The following VRK2 variants were observed in gnomAD, a reference collection of about 807,000 sequenced individuals.
VRK2 encodes VRK serine/threonine kinase 2.
In VRK2, 60 loss-of-function variants were observed where a neutral mutation model predicts 57.6. That is an observed-to-expected ratio of 1.04 (90% CI 0.85 to 1.29). VRK2 has a LOEUF of 1.29. VRK2 is among the 50% of genes most tolerant of loss of function. The pLI is 0.00. For missense variants in VRK2, 705 were observed against 588.1 expected, an observed-to-expected ratio of 1.20 and a Z score of -2.06; for synonymous variants, 231 against 199.2, an observed-to-expected ratio of 1.16 and a Z score of -1.35.
Position 58,136,909 on chromosome 2 carries a change from A to ATAT in VRK2, c.856+1711_856+1713dup, listed in dbSNP as rs1294327045. Among the ~76,000 whole-genome samples the ATAT allele has an allele frequency of 1.7e-3, 209 of 120,370 alleles. 20 individuals are homozygous for ATAT. The highest frequency in any genetic ancestry group is 8.6e-3 in the African/African-American group (190 of 22,014). The allele number at this position is 120,370 out of a possible 152,430, so 79.0% of individuals were successfully genotyped here. A position where few individuals can be genotyped will look rare whatever the true frequency, so the allele number is the denominator to read the frequency against. On this transcript the variant is annotated intron_variant, in intron 10 of 12. Transcript: ENST00000340157. ...ATATATATGTGTATATATATCATAT[A>ATAT]TATATCATATATGTGTATATATCAT...
intron 7 of VRK2, among the ~76,000 whole-genome samples, chr2:58,095,004 G>A (rs1407050373): frequency 6.6e-6 from 1 of 152,112 alleles, no homozygotes; most frequent in Admixed American, 6.5e-5. Context: ...TCATTTAAAA[G>A]GAATACTTGT....
intron 8 of VRK2, 41 bp downstream of exon 8, chr2:58,123,274 A>T: frequency 6.4e-7 from 1 of 1,568,966 alleles, no homozygotes; most frequent in East Asian, 2.3e-5. Flanking sequence ...ATTTCAGAAG[A>T]ATGATTAGAG....
chr2:58,003,549 C>A (rs899952378), intron 1 of VRK2, among the ~76,000 whole-genome samples: 2 of 151,998 alleles, frequency 1.3e-5, no homozygotes, highest in South Asian at 2.1e-4. Flanking sequence ...TTTCAGAAAA[C>A]TGCAAATTAT....
Position 58,071,944 on chromosome 2 carries a change from A to G in VRK2, c.137-12145A>G, listed in dbSNP as rs552189252. Among the ~76,000 whole-genome samples, 10 of 151,736 alleles carry G rather than the reference A, an allele frequency of 6.6e-5. No individual in the cohort carries two copies. The East Asian group carries it at 1.9e-3, about 29-fold the overall frequency. ...TGTATCTCTCCATATCATGATGAAGATTTTCTTTCATCAGATGTTTGTAGT... is the reference window on the plus strand; with the variant it reads ...TGTATCTCTCCATATCATGATGAAGGTTTTCTTTCATCAGATGTTTGTAGT... On this transcript the variant is annotated intron_variant, in intron 2 of 12. Coordinates refer to ENST00000340157, the MANE Select transcript of VRK2 (RefSeq NM_006296.7).
chr2:58,022,507 C>A (rs1673789263), intron 1 of VRK2, among the ~76,000 whole-genome samples: 1 of 152,140 alleles, frequency 6.6e-6, no homozygotes, highest in South Asian at 2.1e-4. Context: ...AGGAAAAGAG[C>A]AAATGTAGGA....
intron 1 of VRK2, among the ~76,000 whole-genome samples, chr2:57,981,067 C>T (rs1672408882): frequency 6.6e-6 from 1 of 152,086 alleles, no homozygotes. Context: ...TTGATCCTGT[C>T]ATTGTGTTCT....
chr2:57,957,557 T>C (rs1198799416), intron 1 of VRK2, among the ~76,000 whole-genome samples: 1 of 148,788 alleles, frequency 6.7e-6, no homozygotes, highest in Non-Finnish European at 1.5e-5. Flanking sequence ...CCAACAAAAG[T>C]ATATGTAGAT....
chr2:58,084,149 C>T lies in VRK2; in HGVS notation c.186+11C>T, dbSNP rs770304280. ...CATGTAGTAAAAGTGGTAAGTGTTG[C>T]TCATAGATTTGTATTTCACATATAT... On this transcript the variant is annotated intron_variant, in intron 3 of 12. Coordinates refer to ENST00000340157, the MANE Select transcript of VRK2 (RefSeq NM_006296.7). 1 of 1,597,842 alleles carries T rather than the reference C, an allele frequency of 6.3e-7. No homozygotes were observed. Among genetic ancestry groups the T allele is most frequent in the Non-Finnish European group, 8.5e-7 (1 of 1,170,346 alleles).
intron 1 of VRK2, among the ~76,000 whole-genome samples, chr2:57,975,389 A>G (rs1672218589): frequency 6.6e-6 from 1 of 152,076 alleles, no homozygotes; most frequent in Non-Finnish European, 1.5e-5. Context: ...TTAGTTTTCT[A>G]TTGCTGCCTT....
At chr2:58,155,687 G>A (rs1267776989) in intron 12 of VRK2, among the ~76,000 whole-genome samples, 1 of 151,830 alleles carries the variant, frequency 6.6e-6, no homozygotes, top group Non-Finnish European at 1.5e-5. Context: ...TTAGTGTAGG[G>A]TGATGATACT....
At chr2:58,129,656 C>G (rs1316759520) in intron 8 of VRK2, among the ~76,000 whole-genome samples, 1 of 152,162 alleles carries the variant, frequency 6.6e-6, no homozygotes, top group Non-Finnish European at 1.5e-5. Flanking sequence ...ATTAAAATTA[C>G]TCCTCTGTGT....
intron 1 of VRK2, among the ~76,000 whole-genome samples, chr2:57,993,698 ACT>A (rs1482645763): frequency 6.6e-6 from 1 of 152,224 alleles, no homozygotes; most frequent in African/African-American, 2.4e-5. Flanking sequence ...TTAAGTTTTA[ACT>A]CTGACATGAA....
upstream of VRK2, among the ~76,000 whole-genome samples, chr2:58,045,134 C>A (rs552368570): frequency 6.6e-6 from 1 of 152,200 alleles, no homozygotes; most frequent in South Asian, 2.1e-4. Flanking sequence ...ATTATTTAAG[C>A]GTTAAGGATC....
At chr2:58,058,348 C>T (rs1572886888) in intron 2 of VRK2, 2 of 470,002 alleles carry the variant, frequency 4.3e-6, no homozygotes, top group South Asian at 3.1e-5. Flanking sequence ...TAATTATTCC[C>T]CAGAGACACT....
At chr2:58,035,722 G>T (rs1269367221) in intron 3 of VRK2, among the ~76,000 whole-genome samples, 1 of 152,006 alleles carries the variant, frequency 6.6e-6, no homozygotes, top group African/African-American at 2.4e-5. Flanking sequence ...TAATTTGGAA[G>T]GAGAGAAGAG....
intron 10 of VRK2, 27 bp downstream of exon 10, chr2:58,135,226 C>T (rs1414829694): frequency 1.2e-6 from 2 of 1,613,162 alleles, no homozygotes; most frequent in African/African-American, 2.7e-5. Flanking sequence ...CTTCAACCTT[C>T]TCTTACGATT....
chr2:58,015,971 GAC>G (rs960896974), intron 1 of VRK2, among the ~76,000 whole-genome samples: 7 of 151,654 alleles, frequency 4.6e-5, no homozygotes, highest in Non-Finnish European at 1.0e-4. Context: ...ATCAAGTGAA[GAC>G]ATTTATTCAC....
At chr2:58,153,333 AGGTT>A (rs1440967000) in intron 12 of VRK2, among the ~76,000 whole-genome samples, 2 of 152,064 alleles carry the variant, frequency 1.3e-5, no homozygotes, top group Non-Finnish European at 2.9e-5. Context: ...ACTATTCAGT[AGGTT>A]AGCTGTAGAC....
At chr2:57,987,345 C>G (rs578122807) in intron 1 of VRK2, among the ~76,000 whole-genome samples, 3 of 151,960 alleles carry the variant, frequency 2.0e-5, no homozygotes, top group Non-Finnish European at 4.4e-5. Context: ...ATGGGCAAAA[C>G]TCTGAACAAA....
Sources: gnomAD v4.1 joint callset for allele counts (sites outside exome capture counted in the v4.1 genomes callset) on GRCh38, gnomAD v4.1.1 for gene constraint, MANE v1.5 for transcripts, NCBI Gene and HGNC (gene_info 2026-07-23, HGNC 2026-07-21) for gene names.